The following TYW1B variants were observed in gnomAD, a reference collection of about 807,000 sequenced individuals.
The protein encoded by TYW1B is tRNA-yW synthesizing protein 1 homolog B.
A neutral mutation model predicts 86.9 loss-of-function variants in TYW1B; 73 were observed. That is an observed-to-expected ratio of 0.84 (90% CI 0.70 to 1.02). The LOEUF (loss-of-function observed/expected upper bound fraction) is 1.02. Ranked by LOEUF, TYW1B falls within the 50% of genes least tolerant of loss-of-function variation. The pLI is 0.00. For synonymous variants in TYW1B, 248 were observed against 292.8 expected (o/e 0.85, Z 1.56); for missense variants, 637 against 827.4 (o/e 0.77, Z 2.82).
intron 8 of TYW1B, among the ~76,000 whole-genome samples, chr7:72,735,497 GGGAGGT>G (rs1254398417): frequency 1.3e-5 from 2 of 151,510 alleles, no homozygotes; most frequent in East Asian, 1.9e-4. Context: ...ACTTGAACCT[GGGAGGT>G]GGAGGTTGCA....
chr7:72,717,721 A>G (rs1381774805), intron 9 of TYW1B, among the ~76,000 whole-genome samples: 2 of 152,096 alleles, frequency 1.3e-5, no homozygotes, highest in Admixed American at 6.6e-5. Flanking sequence ...TAGAAATACG[A>G]AAGTGTAAGT....
intron 11 of TYW1B, among the ~76,000 whole-genome samples, chr7:72,691,692 T>C (rs1189984803): frequency 2.6e-5 from 4 of 152,192 alleles, no homozygotes; most frequent in African/African-American, 9.7e-5. Flanking sequence ...TTTAAATCCA[T>C]TCTAATTTTT....
intron 13 of TYW1B, among the ~76,000 whole-genome samples, chr7:72,591,533 T>A (rs1281687742): frequency 5.3e-5 from 8 of 152,120 alleles, no homozygotes; most frequent in Admixed American, 5.2e-4. Flanking sequence ...AGGCTAATAA[T>A]GTTTAAAGTG....
rs782670276 is a variant in TYW1B at position 72,629,004 on chromosome 7, C to T, written c.1507-7G>A. The T allele has an allele frequency of 6.3e-7, 1 of 1,585,624 alleles. No homozygotes were observed. The highest frequency in any genetic ancestry group is 2.3e-5 in the East Asian group (1 of 43,012). ...TGTAGACAGTTCGTTGTTGCTAAAA[C>T]AAAGGAAAAGCCAACTTCGTTGTTA... On this transcript the variant is annotated splice_region_variant and splice_polypyrimidine_tract_variant and intron_variant, in intron 11 of 13. Coordinates refer to ENST00000620995, the MANE Select transcript of TYW1B (RefSeq NM_001145440.3).
intron 13 of TYW1B, among the ~76,000 whole-genome samples, chr7:72,613,062 C>T (rs1199696333): frequency 6.6e-6 from 1 of 152,024 alleles, no homozygotes; most frequent in Non-Finnish European, 1.5e-5. Flanking sequence ...AGAAACATTT[C>T]TATTAAAAGA....
chr7:72,789,685 G>A (rs191648894), intron 6 of TYW1B, among the ~76,000 whole-genome samples: 8 of 151,512 alleles, frequency 5.3e-5, no homozygotes, highest in East Asian at 1.9e-4. Flanking sequence ...CTATGTTGCC[G>A]AGGCTGGTCT....
chr7:72,622,630 A>C (rs1353033924), intron 12 of TYW1B, among the ~76,000 whole-genome samples: 10 of 151,742 alleles, frequency 6.6e-5, no homozygotes, highest in East Asian at 3.9e-4. Flanking sequence ...CACAAACACA[A>C]ACACACACAC....
intron 13 of TYW1B, 28 bp downstream of exon 13, chr7:72,616,644 G>A (rs1812079557): frequency 1.9e-6 from 3 of 1,613,974 alleles, no homozygotes; most frequent in African/African-American, 1.3e-5. Flanking sequence ...TCAGGGAACA[G>A]AAGATTCCAT....
intron 11 of TYW1B, among the ~76,000 whole-genome samples, chr7:72,629,322 G>GTGTTA (rs1812428284): frequency 6.6e-6 from 1 of 152,158 alleles, no homozygotes; most frequent in Non-Finnish European, 1.5e-5. Flanking sequence ...TGACCAAACA[G>GTGTTA]TGTTAGGCCA....
intron 11 of TYW1B, among the ~76,000 whole-genome samples, chr7:72,689,980 C>A (rs1480963364): frequency 6.6e-6 from 1 of 152,096 alleles, no homozygotes; most frequent in Non-Finnish European, 1.5e-5. Context: ...GTACAATAAG[C>A]CCTTCGTAAC....
chr7:72,817,201 C>T (rs549342901), intron 2 of TYW1B, among the ~76,000 whole-genome samples: 38 of 152,174 alleles, frequency 2.5e-4, no homozygotes, highest in African/African-American at 8.7e-4. Flanking sequence ...GTCAGGAGTT[C>T]GAGACCGGCC....
At chr7:72,715,889 A>G (rs1415543342) in intron 9 of TYW1B, among the ~76,000 whole-genome samples, 9 of 152,078 alleles carry the variant, frequency 5.9e-5, no homozygotes, top group Non-Finnish European at 1.2e-4. Flanking sequence ...AAGCGTGTTC[A>G]TGTGTCTTCT....
chr7:72,705,116 T>G (rs537901481), intron 10 of TYW1B, among the ~76,000 whole-genome samples: 1 of 152,296 alleles, frequency 6.6e-6, no homozygotes, highest in African/African-American at 2.4e-5. Context: ...GAAAGAAACT[T>G]CTATTGAAAG....
chr7:72,612,120 G>A (rs1364906634), intron 13 of TYW1B, among the ~76,000 whole-genome samples: 2 of 151,394 alleles, frequency 1.3e-5, no homozygotes, highest in African/African-American at 4.9e-5. Flanking sequence ...CTTTAAATAT[G>A]TTACTTTTAA....
At chr7:72,803,293 A>G (rs1788437440) in intron 5 of TYW1B, among the ~76,000 whole-genome samples, 1 of 152,216 alleles carries the variant, frequency 6.6e-6, no homozygotes, top group Non-Finnish European at 1.5e-5. Flanking sequence ...CGGAGTGGGA[A>G]CAACTAACAC....
intron 3 of TYW1B, among the ~76,000 whole-genome samples, chr7:72,811,912 T>A: frequency 1.1e-5 from 1 of 89,032 alleles, no homozygotes; most frequent in African/African-American, 4.6e-5. Context: ...AAGCGAAGAC[T>A]CCATCTCAAA....
At chr7:72,627,932 C>T (rs1240558519) in intron 12 of TYW1B, among the ~76,000 whole-genome samples, 5 of 151,488 alleles carry the variant, frequency 3.3e-5, no homozygotes, top group African/African-American at 9.7e-5. Context: ...ACATGGAAGA[C>T]GAAATTAAAA....
At chr7:72,601,347 A>G (rs1259407805) in intron 13 of TYW1B, among the ~76,000 whole-genome samples, 2 of 151,882 alleles carry the variant, frequency 1.3e-5, no homozygotes, top group Non-Finnish European at 2.9e-5. Context: ...ACCTCAAAAA[A>G]AAAAACAAAA....
chr7:72,758,443 A>T (rs1554466615), intron 7 of TYW1B, among the ~76,000 whole-genome samples: 1 of 148,822 alleles, frequency 6.7e-6, no homozygotes, highest in Non-Finnish European at 1.5e-5. Flanking sequence ...TTTTTCTCTT[A>T]GAAAAAACAT....
Sources: gnomAD v4.1 joint callset for allele counts (sites outside exome capture counted in the v4.1 genomes callset) on GRCh38, gnomAD v4.1.1 for gene constraint, MANE v1.5 for transcripts, NCBI Gene and HGNC (gene_info 2026-07-23, HGNC 2026-07-21) for gene names.